The following SMC3 variants were observed in gnomAD, a reference collection of about 807,000 sequenced individuals.
SMC3 encodes the protein structural maintenance of chromosomes 3, also known as structural maintenance of chromosomes protein 3.
In SMC3, 20 loss-of-function variants were observed where a neutral mutation model predicts 171.8. That is an observed-to-expected ratio of 0.12 (90% CI 0.08 to 0.17). The LOEUF (loss-of-function observed/expected upper bound fraction) is 0.17, where lower values mean the gene tolerates loss of function less well. Among genes scored for constraint, SMC3 ranks in the 10% least tolerant of loss-of-function variants. The probability of loss-of-function intolerance (pLI) is 1.00; values close to 1 mark genes in which losing one functional copy is unlikely to be tolerated. For synonymous variants in SMC3, 464 were observed against 451.1 expected, an observed-to-expected ratio of 1.03 and a Z score of -0.36; for missense variants, 543 against 1,420.4, an observed-to-expected ratio of 0.38 and a Z score of 9.93.
intron 7 of SMC3, among the ~76,000 whole-genome samples, chr10:110,579,257 A>G (rs1366630874): frequency 6.6e-6 from 1 of 151,964 alleles, no homozygotes; most frequent in Non-Finnish European, 1.5e-5. Flanking sequence ...CACTTATTTT[A>G]TACTGTAGGC....
In SMC3 at chr10:110,589,881, T is replaced by C; in HGVS notation, c.1410-11T>C. ...TTTAAAATTAAAGACAGTCTACTTT[T>C]TATTTATTAGCTACTTGTGGAGAGA... On this transcript the variant is annotated splice_polypyrimidine_tract_variant and intron_variant, in intron 14 of 28. Coordinates refer to ENST00000361804, the MANE Select transcript of SMC3 (RefSeq NM_005445.4). The C allele has an allele frequency of 1.2e-6, 2 of 1,611,584 alleles. No individual in the cohort carries two copies. The highest frequency in any genetic ancestry group is 1.7e-4 in the Middle Eastern group (1 of 6,044).
At chr10:110,581,449 C>G (rs966423725) in intron 8 of SMC3, among the ~76,000 whole-genome samples, 2 of 152,194 alleles carry the variant, frequency 1.3e-5, no homozygotes, top group South Asian at 2.1e-4. Context: ...GAACTCCTGA[C>G]TTCAGATGAT....
intron 23 of SMC3, 119 bp from the exon 24 acceptor site, chr10:110,601,518 A>C: frequency 2.7e-6 from 3 of 1,092,928 alleles, no homozygotes. Flanking sequence ...TTTTCACAGA[A>C]AATTTTAAAC....
Position 110,598,552 on chromosome 10 carries a change from A to G in SMC3, c.2268+262A>G, listed in dbSNP as rs12415977. On this transcript the variant is annotated intron_variant, in intron 20 of 28. Transcript: ENST00000361804. ...CTCCTGAGTAGCTGGGACTACAGAC[A>G]TACGCCACCACATCCGGCTAATTTT... Among the ~76,000 whole-genome samples the G allele has an allele frequency of 0.12, 17,683 of 151,840 alleles. 1,208 individuals carry two copies. The highest frequency in any genetic ancestry group is 0.26 in the East Asian group (1,334 of 5,126).
At position 110,604,434 on chromosome 10, in the gene SMC3, T is replaced by A; in HGVS notation, c.*132T>A. 1.5e-6 allele frequency: 1 copy of A among 662,386 alleles called. No individual in the cohort carries two copies. Among genetic ancestry groups the A allele is most frequent in the South Asian group, 1.7e-5 (1 of 59,706 alleles). The allele number at this position is 662,386 out of a possible 1,614,324, so 41.0% of individuals were successfully genotyped here. On this transcript the variant is annotated 3_prime_UTR_variant, in exon 29 of 29. Transcript: ENST00000361804. ...TAAAGCATCATAGTCCTTTTATATT[T>A]GTCTTTGTATTTTATAAGATACTCT...
intron 22 of SMC3, among the ~76,000 whole-genome samples, 163 bp from the exon 23 acceptor site, chr10:110,600,859 G>T (rs1249191282): frequency 6.6e-6 from 1 of 151,974 alleles, no homozygotes; most frequent in African/African-American, 2.4e-5. Context: ...TCTAGTAATT[G>T]TGTCTTTTTT....
intron 6 of SMC3, among the ~76,000 whole-genome samples, chr10:110,578,312 C>T (rs565196211): frequency 6.3e-4 from 96 of 152,258 alleles, no homozygotes; most frequent in African/African-American, 2.2e-3. Flanking sequence ...ACCTTGTGAT[C>T]TGCCTGCCTT....
intron 18 of SMC3, among the ~76,000 whole-genome samples, chr10:110,595,014 A>C (rs1205178991): frequency 6.8e-6 from 1 of 147,762 alleles, no homozygotes; most frequent in Non-Finnish European, 1.5e-5. Context: ...TTTGAGATGG[A>C]GTTTCGAGCC....
At chr10:110,604,094 C>CAAAAAAAAAAAAAAAA (rs57491050) in intron 28 of SMC3, 137 bp from the exon 29 acceptor site, 1 of 202,006 alleles carries the variant, frequency 5.0e-6, no homozygotes, top group Non-Finnish European at 8.8e-6. Flanking sequence ...GACTCCATCT[C>CAAAAAAAAAAAAAAAA]AAAAAAAAAA....
intron 13 of SMC3, among the ~76,000 whole-genome samples, chr10:110,585,155 T>C (rs181587164): frequency 2.6e-5 from 4 of 151,634 alleles, no homozygotes; most frequent in Non-Finnish European, 5.9e-5. Context: ...TAATTTTGTA[T>C]TTTTAGTAGA....
At chr10:110,599,632 A>G in intron 20 of SMC3, 22 bp from the exon 21 acceptor site, 1 of 1,608,312 alleles carries the variant, frequency 6.2e-7, no homozygotes, top group Admixed American at 1.7e-5. Context: ...TACCTTACTA[A>G]TAAATGGATA....
rs374470740 is a variant in SMC3, at chr10:110,571,188, CAG to C, written c.91+2179_91+2180del. Among the ~76,000 whole-genome samples, 728 of 152,296 alleles carry C rather than the reference CAG, an allele frequency of 4.8e-3. 7 individuals carry two copies. The highest frequency in any genetic ancestry group is 0.016 in the African/African-American group (652 of 41,562). On this transcript the variant is annotated intron_variant, in intron 2 of 28. Coordinates refer to ENST00000361804, the MANE Select transcript of SMC3 (RefSeq NM_005445.4). The stretch of plus-strand genomic sequence containing the variant: ...TTTTTTACTGCACACCATGATTCTT[CAG>C]AGATAACCATTCTTAATAATAACAG...
intron 17 of SMC3, among the ~76,000 whole-genome samples, chr10:110,591,427 A>C (rs1388696369): frequency 6.6e-6 from 1 of 152,194 alleles, no homozygotes. Flanking sequence ...AATCATTGCA[A>C]ATGTGCAGTG....
At chr10:110,587,575 A>G (rs145341986) in intron 13 of SMC3, among the ~76,000 whole-genome samples, 4 of 151,910 alleles carry the variant, frequency 2.6e-5, no homozygotes, top group Non-Finnish European at 5.9e-5. Flanking sequence ...AGTGCCAGCT[A>G]CTCGGGGGGC....
chr10:110,597,741 C>T (rs1370395174), intron 19 of SMC3, among the ~76,000 whole-genome samples: 2 of 152,226 alleles, frequency 1.3e-5, no homozygotes, highest in Non-Finnish European at 2.9e-5. Flanking sequence ...TTATTCCACA[C>T]ATGGCAAGAA....
At chr10:110,603,349 CTGATTT>C (rs1449688579) in intron 28 of SMC3, 59 bp downstream of exon 28, 1 of 1,081,994 alleles carries the variant, frequency 9.2e-7, no homozygotes, top group East Asian at 2.5e-5. Flanking sequence ...TTGTTGAATT[CTGATTT>C]TATGTTACTT....
At chr10:110,569,803 A>G (rs1206025963) in intron 2 of SMC3, among the ~76,000 whole-genome samples, 2 of 152,212 alleles carry the variant, frequency 1.3e-5, no homozygotes, top group Non-Finnish European at 2.9e-5. Context: ...CATTAACAAT[A>G]TGTAGTCATT....
At chr10:110,576,044 A>G (rs896411608) in intron 4 of SMC3, among the ~76,000 whole-genome samples, 2 of 152,350 alleles carry the variant, frequency 1.3e-5, no homozygotes, top group East Asian at 1.9e-4. Context: ...ATGTTCTGCA[A>G]CTTACAGCGG....
At chr10:110,568,606 C>A in intron 1 of SMC3, 1 of 283,872 alleles carries the variant, frequency 3.5e-6, no homozygotes, top group Non-Finnish European at 6.7e-6. Context: ...GCCCGTCGGC[C>A]TGCTTTTATA....
Sources: gnomAD v4.1 joint callset for allele counts (sites outside exome capture counted in the v4.1 genomes callset) on GRCh38, gnomAD v4.1.1 for gene constraint, MANE v1.5 for transcripts, NCBI Gene and HGNC (gene_info 2026-07-23, HGNC 2026-07-21) for gene names.